NPAS3: variants seen among roughly 807,000 people sequenced by gnomAD.
The protein encoded by NPAS3 is neuronal PAS domain protein 3, also known as neuronal PAS domain-containing protein 3.
Under a neutral mutation model 73.1 loss-of-function variants are expected in NPAS3, and 14 were observed. The observed-to-expected ratio is 0.19, with a 90% CI of 0.13 to 0.30. The LOEUF is 0.30. Ranked by LOEUF, NPAS3 falls within the 10% of genes least tolerant of loss-of-function variation. The probability of loss-of-function intolerance (pLI) is 1.00; values close to 1 mark genes in which losing one functional copy is unlikely to be tolerated. For synonymous variants in NPAS3, 620 were observed against 541.5 expected (o/e 1.14, Z -2.01); for missense variants, 1,096 against 1,250.0 (o/e 0.88, Z 1.86).
chr14:33,162,568 T>C (rs2044938182), intron 2 of NPAS3, among the ~76,000 whole-genome samples: 1 of 152,236 alleles, frequency 6.6e-6, no homozygotes, highest in Non-Finnish European at 1.5e-5. Context: ...TGCTATTTCC[T>C]TTTAAATTCT....
At chr14:33,619,998 G>GAAAA (rs1481026026) in intron 5 of NPAS3, among the ~76,000 whole-genome samples, 1 of 152,138 alleles carries the variant, frequency 6.6e-6, no homozygotes, top group Non-Finnish European at 1.5e-5. Flanking sequence ...AGAGCATTCA[G>GAAAA]AAAATATTTG....
intron 3 of NPAS3, among the ~76,000 whole-genome samples, chr14:33,295,883 G>C (rs960254810): frequency 1.3e-5 from 2 of 152,162 alleles, no homozygotes; most frequent in Non-Finnish European, 2.9e-5. Flanking sequence ...GGAATTAGAA[G>C]ACCTGTCTCT....
chr14:33,255,368 C>T (rs1275964886), intron 3 of NPAS3, among the ~76,000 whole-genome samples: 1 of 152,166 alleles, frequency 6.6e-6, no homozygotes, highest in Admixed American at 6.5e-5. Flanking sequence ...ATTTGCAACT[C>T]TTCTGCAAAC....
chr14:33,311,638 A>G (rs921864293), intron 3 of NPAS3, among the ~76,000 whole-genome samples: 5 of 152,172 alleles, frequency 3.3e-5, no homozygotes, highest in African/African-American at 7.2e-5. Flanking sequence ...TCATGCATGC[A>G]TGAGTCCGTC....
intron 7 of NPAS3, among the ~76,000 whole-genome samples, chr14:33,759,081 A>G (rs535554411): frequency 1.1e-4 from 16 of 152,340 alleles, no homozygotes; most frequent in Non-Finnish European, 1.9e-4. Context: ...CTGAGTTTAG[A>G]TCTCCTGCCT....
intron 6 of NPAS3, among the ~76,000 whole-genome samples, chr14:33,721,191 TC>T (rs1234484639): frequency 6.6e-6 from 1 of 152,210 alleles, no homozygotes; most frequent in Non-Finnish European, 1.5e-5. Context: ...TTTCTTCCTT[TC>T]TTTCACCTTT....
intron 9 of NPAS3, among the ~76,000 whole-genome samples, chr14:33,791,933 A>T (rs2063369733): frequency 6.6e-6 from 1 of 152,214 alleles, no homozygotes; most frequent in Non-Finnish European, 1.5e-5. Flanking sequence ...GACACAAAGC[A>T]GACAGAATTA....
At chr14:33,016,618 A>G (rs2039404923) in intron 1 of NPAS3, among the ~76,000 whole-genome samples, 3 of 48,046 alleles carry the variant, frequency 6.2e-5, no homozygotes, top group Non-Finnish European at 3.3e-4. Flanking sequence ...AAAAAAGGAA[A>G]AAAAAAAAAA....
intron 4 of NPAS3, among the ~76,000 whole-genome samples, chr14:33,532,952 T>C (rs545441872): frequency 6.6e-6 from 1 of 152,154 alleles, no homozygotes. Flanking sequence ...AAAACTGAGA[T>C]TGCACAAAGG....
chr14:33,319,284 C>A (rs545406507), intron 3 of NPAS3, among the ~76,000 whole-genome samples: 1 of 152,190 alleles, frequency 6.6e-6, no homozygotes, highest in Admixed American at 6.5e-5. Context: ...TTCTGTTGGT[C>A]AGAGCAAGTC....
intron 4 of NPAS3, among the ~76,000 whole-genome samples, chr14:33,397,354 T>C (rs1160702481): frequency 1.3e-5 from 2 of 152,098 alleles, no homozygotes; most frequent in Non-Finnish European, 2.9e-5. Context: ...TGTTGATAAT[T>C]ATTATTTCTG....
At chr14:33,689,712 A>G (rs1240150709) in intron 6 of NPAS3, among the ~76,000 whole-genome samples, 1 of 152,126 alleles carries the variant, frequency 6.6e-6, no homozygotes. Context: ...ACCTCTCCCT[A>G]ACCTCTATAA....
chr14:33,009,053 C>A (rs2039096460), intron 1 of NPAS3, among the ~76,000 whole-genome samples: 1 of 152,090 alleles, frequency 6.6e-6, no homozygotes, highest in South Asian at 2.1e-4. Context: ...TGAGTCCAGA[C>A]CCAGACTGGA....
intron 4 of NPAS3, among the ~76,000 whole-genome samples, chr14:33,424,611 T>C (rs2048480931): frequency 6.6e-6 from 1 of 151,664 alleles, no homozygotes; most frequent in Non-Finnish European, 1.5e-5. Context: ...TTATGACTGA[T>C]TGGAAACAAG....
chr14:33,331,537 A>T (rs575788604), intron 3 of NPAS3, among the ~76,000 whole-genome samples: 1 of 151,432 alleles, frequency 6.6e-6, no homozygotes, highest in African/African-American at 2.4e-5. Flanking sequence ...CCTGTTGTTT[A>T]TCTCCCCCCA....
chr14:33,784,745 A>ATTTTTTTTTTTTTTTTTTTTT (rs1226491375), intron 9 of NPAS3, among the ~76,000 whole-genome samples: 5 of 73,832 alleles, frequency 6.8e-5, no homozygotes, highest in African/African-American at 2.5e-4. Context: ...TTATTTATTT[A>ATTTTTTTTTTTTTTTTTTTTT]TTTTTTTTTT....
At chr14:33,264,904 C>T (rs1419590356) in intron 3 of NPAS3, among the ~76,000 whole-genome samples, 1 of 152,114 alleles carries the variant, frequency 6.6e-6, no homozygotes, top group Non-Finnish European at 1.5e-5. Flanking sequence ...GCCTGGTCCC[C>T]ACTTCCATTA....
chr14:33,408,377 G>T (rs2047760953), intron 4 of NPAS3, among the ~76,000 whole-genome samples: 1 of 152,034 alleles, frequency 6.6e-6, no homozygotes, highest in African/African-American at 2.4e-5. Flanking sequence ...ATTCCACCTT[G>T]TCATAACCTC....
At chr14:33,774,604 G>T in intron 8 of NPAS3, 74 bp downstream of exon 8, 1 of 1,210,834 alleles carries the variant, frequency 8.3e-7, no homozygotes. Context: ...GCCGTCTGAA[G>T]GATGGTACTC....
Sources: allele counts gnomAD v4.1 joint callset (sites outside exome capture counted in the v4.1 genomes callset), GRCh38; gene constraint gnomAD v4.1.1; transcripts MANE v1.5; gene names NCBI Gene and HGNC (gene_info 2026-07-23, HGNC 2026-07-21).